The following WRN variants were observed in gnomAD, a reference collection of about 807,000 sequenced individuals.
WRN encodes bifunctional 3'-5' exonuclease/ATP-dependent helicase WRN.
A neutral mutation model predicts 180.7 loss-of-function variants in WRN; 149 were observed. That is an observed-to-expected ratio of 0.82 (90% CI 0.72 to 0.94). The LOEUF (loss-of-function observed/expected upper bound fraction) is 0.94. Among genes scored for constraint, WRN ranks in the 40% least tolerant of loss-of-function variants. The pLI is 0.00. For missense variants in WRN, 1,661 were observed against 1,700.1 expected, an observed-to-expected ratio of 0.98 and a Z score of 0.40; for synonymous variants, 548 against 568.9, an observed-to-expected ratio of 0.96 and a Z score of 0.52.
chr8:31,115,194 CT>C (rs1216886813), intron 19 of WRN, among the ~76,000 whole-genome samples: 3 of 152,136 alleles, frequency 2.0e-5, no homozygotes, highest in Non-Finnish European at 2.9e-5. Flanking sequence ...CTGTGCTGGC[CT>C]TAAAATAAGA....
intron 1 of WRN, among the ~76,000 whole-genome samples, chr8:31,042,137 G>C (rs776043605): frequency 6.6e-6 from 1 of 152,154 alleles, no homozygotes; most frequent in African/African-American, 2.4e-5. Context: ...AGGAGGTGTT[G>C]GTTGGAGAGT....
Position 31,147,037 on chromosome 8 carries a change from CT to C in WRN, c.3384-12del. 1.9e-6 allele frequency: 3 copies of C among 1,591,298 alleles called. No homozygotes were observed. The Admixed American group carries it at 5.0e-5, about 27-fold the overall frequency. On this transcript the variant is annotated splice_polypyrimidine_tract_variant and intron_variant, in intron 28 of 34. Coordinates refer to ENST00000298139, the MANE Select transcript of WRN (RefSeq NM_000553.6). The stretch of plus-strand genomic sequence containing the variant: ...AAGAAAAGCTTTTATTATTTATTTT[CT>C]TTTAAATATTTTAGTATCATGGTAC...
chr8:31,039,040 A>G (rs917276316), intron 1 of WRN, among the ~76,000 whole-genome samples: 2 of 152,134 alleles, frequency 1.3e-5, no homozygotes, highest in African/African-American at 4.8e-5. Context: ...TCTTTTCAAG[A>G]TTATTTTGGC....
chr8:31,052,086 G>A (rs1227862755), intron 1 of WRN, among the ~76,000 whole-genome samples: 1 of 152,194 alleles, frequency 6.6e-6, no homozygotes. Context: ...CATCTGGCCT[G>A]TAAGGCCTAG....
chr8:31,088,799 C>T, intron 12 of WRN, 91 bp from the exon 13 acceptor site: 1 of 1,096,538 alleles, frequency 9.1e-7, no homozygotes, highest in East Asian at 2.6e-5. Context: ...TCACTGTATT[C>T]TTTCAAAGAA....
intron 1 of WRN, among the ~76,000 whole-genome samples, chr8:31,034,354 A>G (rs1228818140): frequency 6.6e-6 from 1 of 152,126 alleles, no homozygotes; most frequent in Non-Finnish European, 1.5e-5. Flanking sequence ...GATGATGGAT[A>G]TTTTTGAGTT....
In WRN at chr8:31,124,630, A is replaced by G; in HGVS notation, c.2732+7A>G. ...CTAGCAGATGTAGGAGACAGTATGT[A>G]TTATTTATTTTATGCCAATAGTATG... On this transcript the variant is annotated splice_region_variant and intron_variant, in intron 22 of 34. Transcript: ENST00000298139. 3.1e-6 allele frequency: 5 copies of G among 1,599,932 alleles called. No individual in the cohort carries two copies. Among genetic ancestry groups the G allele is most frequent in the Non-Finnish European group, 4.3e-6 (5 of 1,167,618 alleles).
intron 6 of WRN, 97 bp downstream of exon 6, chr8:31,067,279 T>G (rs1812748010): frequency 1.5e-6 from 2 of 1,356,696 alleles, no homozygotes; most frequent in Non-Finnish European, 1.0e-6. Context: ...GCAGAAACTC[T>G]ACCAAAATAT....
chr8:31,151,138 G>C (rs905435874), intron 31 of WRN, among the ~76,000 whole-genome samples: 2 of 152,152 alleles, frequency 1.3e-5, no homozygotes, highest in Admixed American at 1.3e-4. Context: ...TGGTGAACCT[G>C]CACATGTCCT....
intron 8 of WRN, among the ~76,000 whole-genome samples, chr8:31,080,593 CAT>C (rs1037383789): frequency 2.7e-5 from 4 of 147,806 alleles, no homozygotes; most frequent in African/African-American, 1.0e-4. Context: ...CAACAAAAAA[CAT>C]ATAGTTGACA....
intron 30 of WRN, among the ~76,000 whole-genome samples, chr8:31,147,870 T>A (rs1161923885): frequency 6.7e-6 from 1 of 149,522 alleles, no homozygotes; most frequent in African/African-American, 2.5e-5. Flanking sequence ...TTCGTCTTCC[T>A]CTTCTTCTTC....
chr8:31,077,070 T>TTCTGAC (rs1444187732), intron 8 of WRN, among the ~76,000 whole-genome samples: 1 of 152,204 alleles, frequency 6.6e-6, no homozygotes, highest in Non-Finnish European at 1.5e-5. Flanking sequence ...ATAGAAAGAA[T>TTCTGAC]TCTGACTCGA....
chr8:31,053,083 A>G (rs888050268), intron 1 of WRN, among the ~76,000 whole-genome samples: 2 of 152,264 alleles, frequency 1.3e-5, no homozygotes, highest in Non-Finnish European at 2.9e-5. Flanking sequence ...ATATGAATTC[A>G]TAAACATTTG....
At chr8:31,067,393 A>T (rs574825204) in intron 6 of WRN, among the ~76,000 whole-genome samples, 20 of 152,302 alleles carry the variant, frequency 1.3e-4, no homozygotes, top group Non-Finnish European at 2.2e-4. Context: ...GTTCAATGCT[A>T]GTTTATTTTC....
chr8:31,081,069 G>T lies in WRN; in HGVS notation c.1042G>T (p.Asp348Tyr). ...AATTCACGTTGAAGATGAAACATGG[G>T]ACCCAACACTTGATCATTTAGCTAA... ...VLIHVEDETW[D>Y]PTLDHLAKHD... The change falls in exon 9 of 35, where the codon GAC becomes TAC. Residue 348 changes from aspartate (D) to tyrosine (Y), a missense_variant. Coordinates refer to ENST00000298139, the MANE Select transcript of WRN (RefSeq NM_000553.6). 1 of 1,613,986 alleles carries T rather than the reference G, an allele frequency of 6.2e-7. No individual in the cohort carries two copies. Among genetic ancestry groups the T allele is most frequent in the Non-Finnish European group, 8.5e-7 (1 of 1,179,952 alleles).
intron 34 of WRN, among the ~76,000 whole-genome samples, chr8:31,172,141 GTGTGTGTGTGTGTGTGTGCC>G (rs1034438141): frequency 5.3e-5 from 8 of 150,764 alleles, no homozygotes; most frequent in Admixed American, 3.3e-4. Flanking sequence ...CACTACCTTT[GTGTGTGTGTGTGTGTGTGCC>G]TGTGTGTGTG....
intron 17 of WRN, among the ~76,000 whole-genome samples, chr8:31,100,325 C>T (rs1248038763): frequency 6.6e-6 from 1 of 152,126 alleles, no homozygotes; most frequent in Non-Finnish European, 1.5e-5. Context: ...TTAGCTCCTC[C>T]CATACCATTT....
At chr8:31,057,865 A>T (rs925742755) in intron 1 of WRN, among the ~76,000 whole-genome samples, 3 of 152,084 alleles carry the variant, frequency 2.0e-5, no homozygotes, top group African/African-American at 7.2e-5. Flanking sequence ...ACAGATTTTT[A>T]AAAAATCCTC....
At chr8:31,166,054 G>A (rs1010270338) in intron 33 of WRN, among the ~76,000 whole-genome samples, 1 of 151,792 alleles carries the variant, frequency 6.6e-6, no homozygotes, top group Non-Finnish European at 1.5e-5. Flanking sequence ...GTTTTGTTTT[G>A]TTTTTTGCTT....
Sources: gnomAD v4.1 joint callset for allele counts (sites outside exome capture counted in the v4.1 genomes callset) on GRCh38, gnomAD v4.1.1 for gene constraint, MANE v1.5 for transcripts, NCBI Gene and HGNC (gene_info 2026-07-23, HGNC 2026-07-21) for gene names.